GPRIN3: variants seen among roughly 807,000 people sequenced by gnomAD.
GPRIN3 encodes GPRIN family member 3.
In GPRIN3, 12 loss-of-function variants were observed where a neutral mutation model predicts 13.7. The observed-to-expected ratio is 0.87, with a 90% confidence interval of 0.56 to 1.42. The LOEUF is 1.42. GPRIN3 is among the 40% of genes most tolerant of loss of function. GPRIN3 has a pLI of 0.00. For missense variants in GPRIN3, 1,009 were observed against 958.7 expected (o/e 1.05, Z -0.69); for synonymous variants, 377 against 372.7 (o/e 1.01, Z -0.13).
At position 89,239,329 on chromosome 4, in the gene GPRIN3, A is replaced by G. The variant is rs1722863288; in HGVS notation, c.*8451T>C. On this transcript the variant is annotated 3_prime_UTR_variant, in exon 2 of 2. Coordinates refer to ENST00000609438, the MANE Select transcript of GPRIN3 (RefSeq NM_198281.3). Reference sequence around the variant, plus strand: ...TTTTTAAGTTATAATTTTTCTGGGTATTATTCAAATTAATACACATCTTTC... The same window carrying G: ...TTTTTAAGTTATAATTTTTCTGGGTGTTATTCAAATTAATACACATCTTTC... 1 of 152,098 alleles carries G rather than the reference A, an allele frequency of 6.6e-6. No homozygotes were observed. The highest frequency in any genetic ancestry group is 1.5e-5 in the Non-Finnish European group (1 of 68,012). The allele number at this position is 152,098 out of a possible 1,614,324, so 9.4% of individuals were successfully genotyped here.
At chr4:89,288,152 G>A (rs982475439) in intron 1 of GPRIN3, among the ~76,000 whole-genome samples, 10 of 152,262 alleles carry the variant, frequency 6.6e-5, no homozygotes, top group East Asian at 3.9e-4. Flanking sequence ...TCCCTGAGCC[G>A]TGTCTGTTTT....
At chr4:89,291,954 C>A (rs1017125240) in intron 1 of GPRIN3, among the ~76,000 whole-genome samples, 1 of 151,674 alleles carries the variant, frequency 6.6e-6, no homozygotes, top group Non-Finnish European at 1.5e-5. Context: ...GTTTTTCCTC[C>A]TTTCCCTTCA....
At chr4:89,296,409 G>A (rs80233368) in intron 1 of GPRIN3, among the ~76,000 whole-genome samples, 1,602 of 152,252 alleles carry the variant, frequency 0.011, 17 homozygotes, top group Non-Finnish European at 0.014. Context: ...TAGAACTACA[G>A]TTTTAAGAAG....
chr4:89,253,925 G>C (rs533928379), intron 1 of GPRIN3, among the ~76,000 whole-genome samples: 42 of 152,172 alleles, frequency 2.8e-4, no homozygotes, highest in Non-Finnish European at 5.7e-4. Flanking sequence ...CTGACTGGCA[G>C]AAATCTATGG....
intron 1 of GPRIN3, among the ~76,000 whole-genome samples, chr4:89,283,285 CA>C (rs1436059570): frequency 2.6e-5 from 4 of 152,192 alleles, no homozygotes; most frequent in Admixed American, 6.5e-5. Flanking sequence ...TAGAGAGCCA[CA>C]AAGGCTCAAT....
In GPRIN3 at chr4:89,240,525, C is replaced by T. The variant is rs1370654687; in HGVS notation, c.*7255G>A. 1 of 152,202 alleles carries T rather than the reference C, an allele frequency of 6.6e-6. No individual in the cohort carries two copies. The highest frequency in any genetic ancestry group is 1.9e-4 in the East Asian group (1 of 5,200). The allele number at this position is 152,202 out of a possible 1,614,324, so 9.4% of individuals were successfully genotyped here. A position where few individuals can be genotyped will look rare whatever the true frequency, so the allele number is the denominator to read the frequency against. ...TTATTGGTTTGTGCAAATCAACACACTGATACATGTCCAAAAGGAGTCTCC... is the reference window on the plus strand; with the variant it reads ...TTATTGGTTTGTGCAAATCAACACATTGATACATGTCCAAAAGGAGTCTCC... On this transcript the variant is annotated 3_prime_UTR_variant, in exon 2 of 2. Transcript: ENST00000609438.
chr4:89,276,285 G>C (rs890189847), intron 1 of GPRIN3, among the ~76,000 whole-genome samples: 25 of 151,842 alleles, frequency 1.6e-4, no homozygotes, highest in Non-Finnish European at 3.4e-4. Flanking sequence ...TCTATGCATT[G>C]CTCTTTAGGT....
Position 89,285,029 on chromosome 4 carries a change from C to T in GPRIN3, c.-124+22586G>A, listed in dbSNP as rs186857523. Among the ~76,000 whole-genome samples, 43 of 152,188 alleles carry T rather than the reference C, an allele frequency of 2.8e-4. 1 individual carries two copies. The East Asian group carries it at 8.3e-3, about 29-fold the overall frequency. On this transcript the variant is annotated intron_variant, in intron 1 of 1. Transcript: ENST00000609438. ...ACACTGCTGGCTCCACTTGGTCCTG[C>T]CAAACTGCTCCTGTGGCCCCACAGA... is the stretch of plus-strand genomic sequence containing the variant.
intron 1 of GPRIN3, among the ~76,000 whole-genome samples, chr4:89,267,627 G>A (rs910215612): frequency 2.6e-5 from 4 of 152,106 alleles, no homozygotes; most frequent in African/African-American, 9.7e-5. Flanking sequence ...TCCTGTCTGG[G>A]CCCCAGTCCA....
chr4:89,294,272 C>G (rs1247407229), intron 1 of GPRIN3, among the ~76,000 whole-genome samples: 1 of 152,110 alleles, frequency 6.6e-6, no homozygotes, highest in African/African-American at 2.4e-5. Context: ...ACAGGCTGGG[C>G]ATGGTGGCTC....
intron 1 of GPRIN3, among the ~76,000 whole-genome samples, chr4:89,263,560 C>G (rs1479930837): frequency 6.6e-6 from 1 of 152,188 alleles, no homozygotes; most frequent in Non-Finnish European, 1.5e-5. Flanking sequence ...CCTGTTTCCC[C>G]TTCTTCCTTT....
At chr4:89,253,434 G>A (rs57143499) in intron 1 of GPRIN3, among the ~76,000 whole-genome samples, 4,423 of 152,214 alleles carry the variant, frequency 0.029, 197 homozygotes, top group African/African-American at 0.1. Context: ...AACCAAGAAC[G>A]CTGAACACCT....
chr4:89,291,312 C>A (rs1348572082), intron 1 of GPRIN3, among the ~76,000 whole-genome samples: 1 of 152,126 alleles, frequency 6.6e-6, no homozygotes, highest in Non-Finnish European at 1.5e-5. Context: ...CTGCTCCCCA[C>A]CAAGAAATTT....
At chr4:89,305,152 AT>A (rs1725001757) in intron 1 of GPRIN3, among the ~76,000 whole-genome samples, 1 of 152,122 alleles carries the variant, frequency 6.6e-6, no homozygotes, top group Admixed American at 6.5e-5. Context: ...TCGTCTTACC[AT>A]CTTTATGTAC....
In GPRIN3 at chr4:89,248,073, G is replaced by A. The variant is rs754056692; in HGVS notation, c.2038C>T (p.Arg680Cys). 12 of 1,613,962 alleles carry A rather than the reference G, an allele frequency of 7.4e-6. No individual in the cohort carries two copies. In the East Asian group the frequency reaches 1.1e-4, roughly 15 times the overall value. Reference sequence around the variant, plus strand: ...TCATCCCACACGACGTCCCTGACACGCTTGGACTGTTTCAGCTGGAGCTTG... The same window carrying A: ...TCATCCCACACGACGTCCCTGACACACTTGGACTGTTTCAGCTGGAGCTTG... Reference protein sequence around the residue: ...DSKLQLKQSKRVRDVVWDEQG... With the variant: ...DSKLQLKQSKCVRDVVWDEQG... The change falls in exon 2 of 2, where the codon CGT becomes TGT. Residue 680 changes from arginine (R) to cysteine (C), a missense_variant. Transcript: ENST00000609438.
chr4:89,299,178 G>A (rs1203242915), intron 1 of GPRIN3, among the ~76,000 whole-genome samples: 2 of 152,012 alleles, frequency 1.3e-5, no homozygotes, highest in African/African-American at 4.8e-5. Context: ...CTTAAACACA[G>A]CCACCATTCT....
At chr4:89,280,407 T>C (rs956877117) in intron 1 of GPRIN3, among the ~76,000 whole-genome samples, 4 of 152,212 alleles carry the variant, frequency 2.6e-5, no homozygotes, top group African/African-American at 9.6e-5. Flanking sequence ...AAGTTCAAAT[T>C]CTTGAGTTTG....
chr4:89,248,029 T>C lies in GPRIN3; in HGVS notation c.2082A>G (p.Glu694=), dbSNP rs1723158773. ...CTGCGTCCAAGGATGCACCATACAC[T>C]TCCCAGGTCATTCCCTGCTCATCCC... ...VVWDEQGMTW[E]VYGASLDAES... is the part of the protein sequence containing the mutation. Residue 694 remains glutamate, a synonymous_variant, in exon 2 of 2, where the codon GAA becomes GAG. Transcript: ENST00000609438. 1.2e-6 allele frequency: 2 copies of C among 1,614,152 alleles called. No individual in the cohort carries two copies. The highest frequency in any genetic ancestry group is 1.7e-6 in the Non-Finnish European group (2 of 1,180,006).
chr4:89,284,009 T>C (rs1309277583), intron 1 of GPRIN3, among the ~76,000 whole-genome samples: 1 of 152,064 alleles, frequency 6.6e-6, no homozygotes. Flanking sequence ...GCCCTCTGAT[T>C]GAATGCGAAG....
Sources: allele counts gnomAD v4.1 joint callset (sites outside exome capture counted in the v4.1 genomes callset), GRCh38; gene constraint gnomAD v4.1.1; transcripts MANE v1.5; gene names NCBI Gene and HGNC (gene_info 2026-07-23, HGNC 2026-07-21).